SESN2: variants seen among roughly 807,000 people sequenced by gnomAD.
SESN2 encodes sestrin-2.
Under a neutral mutation model 56.0 loss-of-function variants are expected in SESN2, and 42 were observed. The ratio of observed to expected loss-of-function variants is 0.75; its 90% CI spans 0.59 to 0.97. The LOEUF (loss-of-function observed/expected upper bound fraction) is 0.97, where lower values mean the gene tolerates loss of function less well. Among genes scored for constraint, SESN2 ranks in the 50% least tolerant of loss-of-function variants. SESN2 has a pLI of 0.00. For missense variants in SESN2, 507 were observed against 649.4 expected (o/e 0.78, Z 2.38); for synonymous variants, 264 against 267.1 (o/e 0.99, Z 0.11).
intron 8 of SESN2, 85 bp from the exon 9 acceptor site, chr1:28,279,012 C>A: frequency 7.4e-7 from 1 of 1,355,502 alleles, no homozygotes; most frequent in Non-Finnish European, 1.0e-6. Context: ...ACACTCTGTT[C>A]TTCCCTCTGT....
At chr1:28,277,084 T>C (rs1414830975) in intron 8 of SESN2, among the ~76,000 whole-genome samples, 1 of 151,850 alleles carries the variant, frequency 6.6e-6, no homozygotes, top group Non-Finnish European at 1.5e-5. Context: ...GTTTTTTGTA[T>C]TTTTAGCAGA....
intron 9 of SESN2, 142 bp downstream of exon 9, chr1:28,279,383 G>GTCCT (rs1648157831): frequency 2.6e-6 from 2 of 765,578 alleles, no homozygotes; most frequent in Non-Finnish European, 4.1e-6. Flanking sequence ...CTGGATTGAA[G>GTCCT]TCCTATTCCA....
chr1:28,279,577 C>T (rs1309451445), intron 9 of SESN2, among the ~76,000 whole-genome samples: 1 of 151,738 alleles, frequency 6.6e-6, no homozygotes, highest in African/African-American at 2.4e-5. Context: ...GATGAGTCTC[C>T]CTTTGTTGCC....
chr1:28,272,702 G>C lies in SESN2; in HGVS notation c.659G>C (p.Gly220Ala). The C allele has an allele frequency of 6.2e-7, 1 of 1,613,186 alleles. No homozygotes were observed. Among genetic ancestry groups the C allele is most frequent in the Non-Finnish European group, 8.5e-7 (1 of 1,179,174 alleles). ...TTTGGCTGTGGCATCCTCCCTGAGG[G>C]GGATGCAGATGGCAGCCCTGCCCCC... is the stretch of plus-strand genomic sequence containing the variant. ...FVFGCGILPEGDADGSPAPQA... is the reference protein window; with the variant it reads ...FVFGCGILPEADADGSPAPQA... Residue 220 changes from glycine (G) to alanine (A), a missense_variant, in exon 5 of 10, where the codon GGG becomes GCG. Transcript: ENST00000253063.
At chr1:28,270,019 A>G (rs894797473) in intron 2 of SESN2, among the ~76,000 whole-genome samples, 2 of 152,200 alleles carry the variant, frequency 1.3e-5, no homozygotes, top group Non-Finnish European at 2.9e-5. Flanking sequence ...ATGTAAAACT[A>G]GTTTCCTCAT....
chr1:28,277,180 C>T (rs906731820), intron 8 of SESN2, among the ~76,000 whole-genome samples: 25 of 146,142 alleles, frequency 1.7e-4, no homozygotes, highest in East Asian at 1.6e-3. Context: ...GAGCTGGGAT[C>T]ACAGGCGTGA....
At position 28,272,439 on chromosome 1, in the gene SESN2, A is replaced by G. The variant is rs1056303789; in HGVS notation, c.510A>G (p.Pro170=). Residue 170 remains proline, a synonymous_variant, in exon 4 of 10, where the codon CCA becomes CCG. Coordinates refer to ENST00000253063, the MANE Select transcript of SESN2 (RefSeq NM_031459.5). ...SEINKLLAHR[P]WLITKEHIQA... is the part of the protein sequence containing the mutation. ...TCAACAAGTTGCTGGCGCATCGGCC[A>G]TGGCTCATCACCAAGGAACACATCC... The G allele has an allele frequency of 6.2e-6, 10 of 1,613,186 alleles. No individual in the cohort carries two copies. The African/African-American group carries it at 8.0e-5, about 13-fold the overall frequency.
Position 28,259,954 on chromosome 1 carries a change from C to T in SESN2, c.90+17C>T, listed in dbSNP as rs756709680. 2 of 1,490,228 alleles carry T rather than the reference C, an allele frequency of 1.3e-6. No homozygotes were observed. Among genetic ancestry groups the T allele is most frequent in the South Asian group, 1.2e-5 (1 of 80,896 alleles). The allele number at this position is 1,490,228 out of a possible 1,614,324, so 92.3% of individuals were successfully genotyped here. On this transcript the variant is annotated intron_variant, in intron 1 of 9. Coordinates refer to ENST00000253063, the MANE Select transcript of SESN2 (RefSeq NM_031459.5). ...CCCGGAGAGGTAAGCGGCGGCCGCG[C>T]GACGCCCCTCTTCCCTGGAACCCCG...
chr1:28,272,451 C>T lies in SESN2; in HGVS notation c.522C>T (p.Thr174=), dbSNP rs139686105. ...KLLAHRPWLI[T]KEHIQALLKT... ...TGGCGCATCGGCCATGGCTCATCAC[C>T]AAGGAACACATCCAGGTGCAGGGGG... Residue 174 remains threonine, a synonymous_variant, in exon 4 of 10, where the codon ACC becomes ACT. Coordinates refer to ENST00000253063, the MANE Select transcript of SESN2 (RefSeq NM_031459.5). 9.9e-5 allele frequency: 160 copies of T among 1,613,114 alleles called. No individual in the cohort carries two copies. In the African/African-American group the frequency reaches 1.9e-3, roughly 19 times the overall value.
Position 28,271,677 on chromosome 1 carries a change from C to T in SESN2, c.160C>T (p.Leu54Phe), listed in dbSNP as rs1447118224. 6.2e-7 allele frequency: 1 copy of T among 1,614,046 alleles called. No homozygotes were observed. Among genetic ancestry groups the T allele is most frequent in the Non-Finnish European group, 8.5e-7 (1 of 1,179,960 alleles). ...TCTCCTCCCCTTTGGTTGGCAGGTCCTTCGGGAGGGGGCTGAGAGCCTCGA... is the reference window on the plus strand; with the variant it reads ...TCTCCTCCCCTTTGGTTGGCAGGTCTTTCGGGAGGGGGCTGAGAGCCTCGA... ...PSAFIPVEEV[L>F]REGAESLEQH... Residue 54 changes from leucine (L) to phenylalanine (F), a missense_variant, in exon 3 of 10, where the codon CTT (leucine) becomes TTT (phenylalanine). Leu to Phe is a conservative substitution (Grantham distance 22). Transcript: ENST00000253063.
At chr1:28,265,855 TCTC>T (rs985731797) in intron 1 of SESN2, among the ~76,000 whole-genome samples, 5 of 152,080 alleles carry the variant, frequency 3.3e-5, no homozygotes, top group African/African-American at 1.2e-4. Context: ...CTTGCTGTCT[TCTC>T]ATCATTTAGA....
chr1:28,275,278 T>C (rs1464560264), intron 8 of SESN2, among the ~76,000 whole-genome samples: 1 of 149,270 alleles, frequency 6.7e-6, no homozygotes, highest in Admixed American at 6.7e-5. Context: ...CTCACACATA[T>C]ATACACATAT....
chr1:28,274,212 T>TTC, intron 7 of SESN2, 54 bp downstream of exon 7: 1 of 1,167,814 alleles, frequency 8.6e-7, no homozygotes, highest in Non-Finnish European at 1.3e-6. Context: ...GAACAAGCAG[T>TTC]GGGTGGATAG....
intron 2 of SESN2, among the ~76,000 whole-genome samples, chr1:28,269,838 GTTCA>G (rs1414623214): frequency 6.6e-6 from 1 of 152,040 alleles, no homozygotes; most frequent in African/African-American, 2.4e-5. Context: ...TACTGAGTCA[GTTCA>G]TTCATTCATT....
intron 1 of SESN2, among the ~76,000 whole-genome samples, chr1:28,268,800 G>A (rs1464160781): frequency 6.6e-6 from 1 of 152,152 alleles, no homozygotes; most frequent in East Asian, 1.9e-4. Flanking sequence ...AAGCATCTGG[G>A]GTACTTGGTT....
chr1:28,266,740 G>A (rs990886558), intron 1 of SESN2, among the ~76,000 whole-genome samples: 1 of 151,834 alleles, frequency 6.6e-6, no homozygotes, highest in Non-Finnish European at 1.5e-5. Context: ...TACTGTTTGT[G>A]GAGACAGGGG....
At chr1:28,267,221 C>T (rs906045963) in intron 1 of SESN2, among the ~76,000 whole-genome samples, 30 of 152,164 alleles carry the variant, frequency 2.0e-4, no homozygotes, top group African/African-American at 2.9e-4. Context: ...TTGGTTACTA[C>T]GCTGAACTTG....
At chr1:28,272,168 A>G in intron 3 of SESN2, 116 bp from the exon 4 acceptor site, 2 of 1,126,366 alleles carry the variant, frequency 1.8e-6, no homozygotes, top group Non-Finnish European at 2.6e-6. Flanking sequence ...TAGAACTTAG[A>G]TTTCCTGCCT....
intron 1 of SESN2, among the ~76,000 whole-genome samples, chr1:28,263,419 T>A (rs116156502): frequency 6.6e-6 from 1 of 152,172 alleles, no homozygotes. Context: ...CTGGAGGTCC[T>A]GGGCTGCTTG....
Sources: allele counts gnomAD v4.1 joint callset (sites outside exome capture counted in the v4.1 genomes callset), GRCh38; gene constraint gnomAD v4.1.1; transcripts MANE v1.5; gene names NCBI Gene and HGNC (gene_info 2026-07-23, HGNC 2026-07-21).